IPO5: variants seen among roughly 807,000 people sequenced by gnomAD.
IPO5 encodes importin-5.
IPO5 carries 18 observed loss-of-function variants against 143.3 expected under a neutral mutation model. The ratio of observed to expected loss-of-function variants is 0.13; its 90% CI spans 0.09 to 0.19. IPO5 has a LOEUF of 0.19. Ranked by LOEUF, IPO5 falls within the 10% of genes least tolerant of loss-of-function variation. IPO5 has a pLI of 1.00. For missense variants in IPO5, 1,013 were observed against 1,336.9 expected, an observed-to-expected ratio of 0.76 and a Z score of 3.78; for synonymous variants, 477 against 465.7, an observed-to-expected ratio of 1.02 and a Z score of -0.31.
rs1323184935 is a variant in IPO5 at position 98,018,697 on chromosome 13, T to C, written c.2829T>C (p.Phe943=). 2 of 1,613,332 alleles carry C rather than the reference T, an allele frequency of 1.2e-6. No homozygotes were observed. Among genetic ancestry groups the C allele is most frequent in the African/African-American group, 1.3e-5 (1 of 75,038 alleles). ...AQYGGDNYRP[F]CTEALPLLVR... ...ACGGTGGAGATAATTATCGCCCTTT[T>C]TGTACAGGTACGTTTGCTTATTCCG... Residue 943 remains phenylalanine, a synonymous_variant, in exon 26 of 29, where the codon TTT becomes TTC. Transcript: ENST00000651721.
At position 98,002,512 on chromosome 13, in the gene IPO5, T is replaced by C. The variant is rs747984894; in HGVS notation, c.1154T>C (p.Ile385Thr). Residue 385 changes from isoleucine (I) to threonine (T), a missense_variant, in exon 14 of 29, where the codon ATT becomes ACT. Transcript: ENST00000651721. ...GCAGGATTGATGGCCTTATCTGCCA[T>C]TGGTGAAGGGTGCCACCAGCAAATG... is the stretch of plus-strand genomic sequence containing the variant. ...RHAGLMALSA[I>T]GEGCHQQMEG... is the part of the protein sequence containing the mutation. 1 of 1,614,106 alleles carries C rather than the reference T, an allele frequency of 6.2e-7. No homozygotes were observed. Among genetic ancestry groups the C allele is most frequent in the East Asian group, 2.2e-5 (1 of 44,888 alleles).
rs754258635 is a variant in IPO5 at position 97,995,190 on chromosome 13, T to TG, written c.913+1965_913+1966insG. Among the ~76,000 whole-genome samples, 989 of 150,354 alleles carry TG rather than the reference T, an allele frequency of 6.6e-3. 13 individuals carry two copies. Among genetic ancestry groups the TG allele is most frequent in the African/African-American group, 0.02 (802 of 40,520 alleles). On this transcript the variant is annotated intron_variant, in intron 11 of 28. Coordinates refer to ENST00000651721, the MANE Select transcript of IPO5 (RefSeq NM_002271.6). ...TTCTTTCTTTCTTTGTTTTTTTTTT[T>TG]TTTGTTTGTTTAATAGGTTTATGGG... is the stretch of plus-strand genomic sequence containing the variant.
At position 98,018,708 on chromosome 13, in the gene IPO5, C is replaced by G; in HGVS notation, c.2836+4C>G. 6.2e-7 allele frequency: 1 copy of G among 1,608,746 alleles called. No individual in the cohort carries two copies. The highest frequency in any genetic ancestry group is 8.5e-7 in the Non-Finnish European group (1 of 1,175,238). ...AATTATCGCCCTTTTTGTACAGGTACGTTTGCTTATTCCGTTACGTGCATT... is the reference window on the plus strand; with the variant it reads ...AATTATCGCCCTTTTTGTACAGGTAGGTTTGCTTATTCCGTTACGTGCATT... On this transcript the variant is annotated splice_donor_region_variant and intron_variant, in intron 26 of 28. Transcript: ENST00000651721.
intron 6 of IPO5, among the ~76,000 whole-genome samples, chr13:97,988,575 G>C (rs1444520760): frequency 6.6e-6 from 1 of 152,206 alleles, no homozygotes; most frequent in Admixed American, 6.5e-5. Flanking sequence ...ATCACCCAAG[G>C]TCAGGAGTTT....
intron 2 of IPO5, among the ~76,000 whole-genome samples, chr13:97,964,517 G>A (rs1192932737): frequency 2.1e-5 from 3 of 145,812 alleles, no homozygotes; most frequent in Non-Finnish European, 3.0e-5. Context: ...GCGCGATCTC[G>A]GCTCACTGCA....
intron 17 of IPO5, 131 bp downstream of exon 17, chr13:98,006,479 A>G (rs924472285): frequency 5.3e-6 from 3 of 566,442 alleles, no homozygotes; most frequent in Admixed American, 3.8e-5. Context: ...GGTTCATGCC[A>G]TTCTCCTGCC....
At chr13:98,012,163 G>A (rs1158858737) in intron 20 of IPO5, 83 bp from the exon 21 acceptor site, 1 of 812,256 alleles carries the variant, frequency 1.2e-6, no homozygotes, top group Non-Finnish European at 2.2e-6. Flanking sequence ...ACCTCCTGTG[G>A]TCCTTATGAT....
Position 98,018,575 on chromosome 13 carries a change from G to A in IPO5, c.2707G>A (p.Ala903Thr), listed in dbSNP as rs369366204. The A allele has an allele frequency of 3.1e-6, 5 of 1,613,854 alleles. No homozygotes were observed. The highest frequency in any genetic ancestry group is 2.7e-5 in the African/African-American group (2 of 74,904). ...EHCSPASFKYAEYFLRPMLQY... is the reference protein window; with the variant it reads ...EHCSPASFKYTEYFLRPMLQY... ...CTGTAGTCCAGCCTCATTTAAATACGCAGAATATTTCTTAAGACCAATGCT... is the reference window on the plus strand; with the variant it reads ...CTGTAGTCCAGCCTCATTTAAATACACAGAATATTTCTTAAGACCAATGCT... Residue 903 changes from alanine to threonine, a missense_variant, in exon 26 of 29, where the codon GCA (alanine) becomes ACA (threonine). Physicochemically the swap from Ala to Thr is moderately conservative, Grantham distance 58. Coordinates refer to ENST00000651721, the MANE Select transcript of IPO5 (RefSeq NM_002271.6).
Position 98,006,126 on chromosome 13 carries a change from C to A in IPO5, c.1498-4C>A. ...TGAGGTAATAATTTGTGTCTTCCTT[C>A]TAGCTGATTCAGAAAGGCACCAAGT... On this transcript the variant is annotated splice_region_variant and splice_polypyrimidine_tract_variant and intron_variant, in intron 16 of 28. Coordinates refer to ENST00000651721, the MANE Select transcript of IPO5 (RefSeq NM_002271.6). The A allele has an allele frequency of 6.3e-7, 1 of 1,599,836 alleles. No individual in the cohort carries two copies.
rs1230508332 is a variant in IPO5 at position 98,022,796 on chromosome 13, T to A, written c.*974T>A. On this transcript the variant is annotated 3_prime_UTR_variant, in exon 29 of 29. Transcript: ENST00000651721. ...GGCTTAGTGTTTTCATTGCAAATTATAATTGCTGTAGAGCCACACACAACT... is the reference window on the plus strand; with the variant it reads ...GGCTTAGTGTTTTCATTGCAAATTAAAATTGCTGTAGAGCCACACACAACT... 1 of 152,510 alleles carries A rather than the reference T, an allele frequency of 6.6e-6. No homozygotes were observed. Among genetic ancestry groups the A allele is most frequent in the African/African-American group, 2.4e-5 (1 of 41,466 alleles). The allele number at this position is 152,510 out of a possible 1,614,324, so 9.4% of individuals were successfully genotyped here.
chr13:97,990,340 C>G, intron 8 of IPO5, 93 bp from the exon 9 acceptor site: 2 of 1,163,644 alleles, frequency 1.7e-6, no homozygotes, highest in South Asian at 2.7e-5. Context: ...ACCAGTTTTA[C>G]TGATAAAGAA....
Position 98,006,091 on chromosome 13 carries a change from A to G in IPO5, c.1498-39A>G, listed in dbSNP as rs1329728030. 7.4e-6 allele frequency: 10 copies of G among 1,356,972 alleles called. No homozygotes were observed. The South Asian group carries it at 1.1e-4, about 14-fold the overall frequency. The allele number at this position is 1,356,972 out of a possible 1,614,324, so 84.1% of individuals were successfully genotyped here. A position where few individuals can be genotyped will look rare whatever the true frequency, so the allele number is the denominator to read the frequency against. On this transcript the variant is annotated intron_variant, in intron 16 of 28. Transcript: ENST00000651721. ...AATTGTAAATTTAAATACTTCTTCCAGTTTTCCTTTGAGGTAATAATTTGT... is the reference window on the plus strand; with the variant it reads ...AATTGTAAATTTAAATACTTCTTCCGGTTTTCCTTTGAGGTAATAATTTGT...
intron 27 of IPO5, 104 bp downstream of exon 27, chr13:98,019,913 C>T (rs1358490733): frequency 3.1e-5 from 22 of 706,338 alleles, no homozygotes; most frequent in African/African-American, 3.5e-5. Flanking sequence ...GATCTCTGCA[C>T]AGTCCTCAGT....
At position 97,988,015 on chromosome 13, in the gene IPO5, T is replaced by A. The variant is rs746594502; in HGVS notation, c.365-1047T>A. ...CATCATCTTTAGGTTGAAGAAACAT[T>A]TAATGTCAGCTTAGCAGCACAATTG... On this transcript the variant is annotated intron_variant, in intron 6 of 28. Coordinates refer to ENST00000651721, the MANE Select transcript of IPO5 (RefSeq NM_002271.6). 4.9e-5 allele frequency: 15 copies of A among 306,380 alleles called. No homozygotes were observed. In the Middle Eastern group the frequency reaches 1.3e-3, roughly 26 times the overall value. The allele number at this position is 306,380 out of a possible 1,614,324, so 19.0% of individuals were successfully genotyped here.
In IPO5 at chr13:98,003,284, C is replaced by T. The variant is rs79010245; in HGVS notation, c.1497+247C>T. On this transcript the variant is annotated intron_variant, in intron 16 of 28. Coordinates refer to ENST00000651721, the MANE Select transcript of IPO5 (RefSeq NM_002271.6). ...AGGTAAAATCAGTGTATATGGATCA[C>T]CCTGAAAATAAGGCAGAGAAGTTTT... Among the ~76,000 whole-genome samples, 945 of 152,146 alleles carry T rather than the reference C, an allele frequency of 6.2e-3. 6 individuals are homozygous for T. The highest frequency in any genetic ancestry group is 0.015 in the Admixed American group (234 of 15,278).
At chr13:97,981,546 C>T (rs944905023) in intron 4 of IPO5, 1 of 244,302 alleles carries the variant, frequency 4.1e-6, no homozygotes, top group African/African-American at 2.3e-5. Flanking sequence ...AGAGAAGCCA[C>T]GTATAGAGGT....
In IPO5 at chr13:98,018,473, T is replaced by C. The variant is rs776023854; in HGVS notation, c.2617-12T>C. 3.1e-6 allele frequency: 5 copies of C among 1,592,894 alleles called. No individual in the cohort carries two copies. The Admixed American group carries it at 8.4e-5, about 27-fold the overall frequency. ...CCAGTATTTGAAGCTTAAAAGAGAA[T>C]TTCTTTTGTAGTGTCCACATAGACC... is the stretch of plus-strand genomic sequence containing the variant. On this transcript the variant is annotated splice_polypyrimidine_tract_variant and intron_variant, in intron 25 of 28. Transcript: ENST00000651721.
intron 4 of IPO5, chr13:97,979,763 C>T (rs1886689444): frequency 2.5e-6 from 1 of 402,236 alleles, no homozygotes; most frequent in African/African-American, 2.1e-5. Flanking sequence ...AACTCCTGGC[C>T]TCAAGTGATC....
At chr13:97,966,287 T>C (rs560568368) in intron 2 of IPO5, among the ~76,000 whole-genome samples, 1 of 152,360 alleles carries the variant, frequency 6.6e-6, no homozygotes, top group Admixed American at 6.5e-5. Context: ...ATGGCTTTTA[T>C]GAAGTTGAGG....
Sources: allele counts gnomAD v4.1 joint callset (sites outside exome capture counted in the v4.1 genomes callset), GRCh38; gene constraint gnomAD v4.1.1; transcripts MANE v1.5; gene names NCBI Gene and HGNC (gene_info 2026-07-23, HGNC 2026-07-21).